TPCN2: variants seen among roughly 807,000 people sequenced by gnomAD.
The protein encoded by TPCN2 is two pore channel protein 2.
A neutral mutation model predicts 111.4 loss-of-function variants in TPCN2; 92 were observed. The ratio of observed to expected loss-of-function variants is 0.83; its 90% CI spans 0.70 to 0.98. The LOEUF is 0.98. Among genes scored for constraint, TPCN2 ranks in the 50% least tolerant of loss-of-function variants. The pLI is 0.00. For missense variants in TPCN2, 995 were observed against 980.1 expected, an observed-to-expected ratio of 1.02 and a Z score of -0.20; for synonymous variants, 405 against 414.5, an observed-to-expected ratio of 0.98 and a Z score of 0.28.
intron 18 of TPCN2, among the ~76,000 whole-genome samples, chr11:69,083,516 G>T (rs1013350020): frequency 1.3e-5 from 2 of 152,212 alleles, no homozygotes; most frequent in Non-Finnish European, 2.9e-5. Context: ...GCCACCTCTA[G>T]CTCTGCATTT....
At chr11:69,073,141 G>A in intron 13 of TPCN2, 140 bp downstream of exon 13, 4 of 636,606 alleles carry the variant, frequency 6.3e-6, no homozygotes, top group Admixed American at 2.8e-5. Context: ...TGGGAACTGG[G>A]AATGGAGTTC....
At chr11:69,074,781 A>G (rs1225594454) in intron 13 of TPCN2, among the ~76,000 whole-genome samples, 3 of 152,164 alleles carry the variant, frequency 2.0e-5, no homozygotes, top group Non-Finnish European at 4.4e-5. Flanking sequence ...AGGCTGGGAG[A>G]AGCCAGTCAT....
rs956789877 is a variant in TPCN2 at position 69,087,992 on chromosome 11, G to A, written c.*39G>A. The A allele has an allele frequency of 6.4e-7, 1 of 1,569,876 alleles. No homozygotes were observed. Among genetic ancestry groups the A allele is most frequent in the Non-Finnish European group, 8.7e-7 (1 of 1,155,240 alleles). ...GTCCCAGCAGGGGCGGCAGGAGAGA[G>A]AGGCTGGCCTACACAGGTGCCCGTC... On this transcript the variant is annotated 3_prime_UTR_variant, in exon 25 of 25. Transcript: ENST00000294309.
chr11:69,079,234 G>A (rs1174364112), intron 16 of TPCN2: 14 of 615,002 alleles, frequency 2.3e-5, no homozygotes, highest in Admixed American at 3.4e-5. Flanking sequence ...TACTGCATCC[G>A]AGTGTCATGG....
At chr11:69,053,767 C>T (rs576974105) in intron 1 of TPCN2, among the ~76,000 whole-genome samples, 1 of 152,306 alleles carries the variant, frequency 6.6e-6, no homozygotes, top group African/African-American at 2.4e-5. Context: ...CAGGATGTGC[C>T]GCTTCCCACA....
intron 5 of TPCN2, 152 bp downstream of exon 5, chr11:69,057,846 T>A: frequency 1.5e-6 from 1 of 687,842 alleles, no homozygotes; most frequent in Non-Finnish European, 2.6e-6. Context: ...TTCCTTCACT[T>A]GTTGGCTGGG....
intron 19 of TPCN2, chr11:69,084,637 A>G (rs1856196260): frequency 3.0e-6 from 3 of 985,340 alleles, no homozygotes; most frequent in East Asian, 1.1e-4. Context: ...GCCCGGCCAC[A>G]CTTCAGGCAG....
intron 2 of TPCN2, chr11:69,054,491 C>T: frequency 5.2e-6 from 3 of 579,624 alleles, no homozygotes; most frequent in South Asian, 4.1e-5. Flanking sequence ...TTTGCTCACG[C>T]ACCCACCCAC....
At chr11:69,066,581 G>C (rs907269466) in intron 7 of TPCN2, among the ~76,000 whole-genome samples, 1 of 152,252 alleles carries the variant, frequency 6.6e-6, no homozygotes, top group Non-Finnish European at 1.5e-5. Context: ...CTGTGAGGCA[G>C]GAAGGGCGGC....
rs11228471 is a variant in TPCN2 at position 69,063,698 on chromosome 11, C to T, written c.654-197C>T. Among the ~76,000 whole-genome samples the T allele has an allele frequency of 5.9e-5, 9 of 151,986 alleles. No homozygotes were observed. The South Asian group carries it at 1.5e-3, about 25-fold the overall frequency. ...TCAAAGAAAGGACCCTGCCAGGGCA[C>T]GACCAGGCCTTTCCTCTGGGCCCCA... On this transcript the variant is annotated intron_variant, in intron 6 of 24. Transcript: ENST00000294309.
intron 24 of TPCN2, among the ~76,000 whole-genome samples, 162 bp downstream of exon 24, chr11:69,087,368 C>T (rs961957248): frequency 2.1e-4 from 32 of 152,276 alleles, no homozygotes; most frequent in African/African-American, 7.7e-4. Context: ...AGCTCAGAGC[C>T]GGGATCGGGG....
chr11:69,070,317 C>T (rs559160835), intron 8 of TPCN2, 113 bp from the exon 9 acceptor site: 85 of 828,546 alleles, frequency 1.0e-4, no homozygotes, highest in Non-Finnish European at 1.5e-4. Flanking sequence ...TGAGCCACCA[C>T]GCTCAGCAAT....
Position 69,057,673 on chromosome 11 carries a change from C to T in TPCN2, c.525C>T (p.Ser175=). 6.2e-7 allele frequency: 1 copy of T among 1,614,126 alleles called. No homozygotes were observed. The highest frequency in any genetic ancestry group is 8.5e-7 in the Non-Finnish European group (1 of 1,180,000). The change falls in exon 5 of 25, where the codon TCC becomes TCT. Residue 175 remains serine, a synonymous_variant. Transcript: ENST00000294309. ...TGTCTCTGGTGGACTGGACCGTGTC[C>T]CTGAGTCTCGTGTGTCATGAGGTAG... ...LVVSLVDWTV[S]LSLVCHEPLR...
At chr11:69,079,425 A>T in intron 16 of TPCN2, 1 of 273,998 alleles carries the variant, frequency 3.6e-6, no homozygotes, top group Non-Finnish European at 6.9e-6. Flanking sequence ...AAATGCTTAC[A>T]CTTCCTTTCC....
chr11:69,073,035 T>TG, intron 13 of TPCN2, 34 bp downstream of exon 13: 1 of 1,528,872 alleles, frequency 6.5e-7, no homozygotes, highest in South Asian at 1.1e-5. Context: ...GGGTGGATAG[T>TG]GGGGGCCTTC....
chr11:69,076,522 G>A (rs35306535), intron 13 of TPCN2, among the ~76,000 whole-genome samples: 53,860 of 145,908 alleles, frequency 0.37, 11,868 homozygotes, highest in Non-Finnish European at 0.49. Flanking sequence ...CGTAGCATCC[G>A]GAAACCGCAG....
intron 7 of TPCN2, among the ~76,000 whole-genome samples, chr11:69,065,861 C>T (rs1855251048): frequency 6.6e-6 from 1 of 152,130 alleles, no homozygotes; most frequent in African/African-American, 2.4e-5. Flanking sequence ...GGTCCATCGT[C>T]GCTGGTTGTG....
chr11:69,072,990 G>T lies in TPCN2; in HGVS notation c.1219G>T (p.Val407Leu), dbSNP rs781387551. 19 of 1,613,618 alleles carry T rather than the reference G, an allele frequency of 1.2e-5. No individual in the cohort carries two copies. In the East Asian group the frequency reaches 4.0e-4, roughly 34 times the overall value. Residue 407 changes from valine (V) to leucine (L), a missense_variant, in exon 13 of 25, where the codon GTG becomes TTG. Transcript: ENST00000294309. ...QKLFNELDRS[V>L]VKEHPPRPEY... ...GCTCTTCAACGAGCTTGACAGAAGT[G>T]TGGTTAAAGAGGTAACTGGGGCCAC...
In TPCN2 at chr11:69,074,548, T is replaced by C. The variant is rs1373867235; in HGVS notation, c.1230+1547T>C. Among the ~76,000 whole-genome samples, 4 of 148,658 alleles carry C rather than the reference T, an allele frequency of 2.7e-5. No individual in the cohort carries two copies. The Admixed American group carries it at 2.7e-4, about 10-fold the overall frequency. ...GAAGCACCATTCTAGATAAAGGCGC[T>C]TGTCCTAGGGGCGGAGCTGTTTGGG... On this transcript the variant is annotated intron_variant, in intron 13 of 24. Transcript: ENST00000294309.
Sources: allele counts gnomAD v4.1 joint callset (sites outside exome capture counted in the v4.1 genomes callset), GRCh38; gene constraint gnomAD v4.1.1; transcripts MANE v1.5; gene names NCBI Gene and HGNC (gene_info 2026-07-23, HGNC 2026-07-21).